Variants in COLEC12 observed in about 807,000 individuals in gnomAD.
COLEC12 encodes collectin-12.
A neutral mutation model predicts 71.1 loss-of-function variants in COLEC12; 33 were observed. The ratio of observed to expected loss-of-function variants is 0.46; its 90% CI spans 0.35 to 0.62. The LOEUF (loss-of-function observed/expected upper bound fraction) is 0.62. COLEC12 is among the 20% of genes least tolerant of loss of function. The pLI, the probability that COLEC12 is intolerant of heterozygous loss-of-function variation, is 0.00. For missense variants in COLEC12, 765 were observed against 916.1 expected (o/e 0.84, Z 2.13); for synonymous variants, 350 against 353.0 (o/e 0.99, Z 0.10).
intron 2 of COLEC12, among the ~76,000 whole-genome samples, chr18:400,308 T>C (rs1257990171): frequency 6.6e-6 from 1 of 152,174 alleles, no homozygotes; most frequent in African/African-American, 2.4e-5. Flanking sequence ...CAGGCTGTCA[T>C]AGTTCAAGCT....
intron 8 of COLEC12, among the ~76,000 whole-genome samples, chr18:326,974 G>A (rs924211038): frequency 3.3e-5 from 5 of 152,118 alleles, no homozygotes; most frequent in Non-Finnish European, 7.3e-5. Flanking sequence ...TCCCAATGAC[G>A]ACTGCTCACT....
chr18:346,346 G>A lies in COLEC12; in HGVS notation c.1276C>T (p.Leu426=), dbSNP rs190046708. 1.2e-6 allele frequency: 2 copies of A among 1,613,978 alleles called. No individual in the cohort carries two copies. The highest frequency in any genetic ancestry group is 2.2e-5 in the East Asian group (1 of 44,890). The part of the protein sequence containing the change: ...NLSVIMEEMK[L]VDSKHGQLIK... The stretch of plus-strand genomic sequence containing the variant: ...AGCTGACCATGCTTGGAGTCTACTA[G>A]CTTCATTTCTTCCATAATCACTGAT... The change falls in exon 5 of 10, where the codon CTA becomes TTA. Residue 426 remains leucine (L), a synonymous_variant. Transcript: ENST00000400256. The surrounding 1 kb of genome is among the most constrained non-coding windows in gnomAD (Gnocchi z 4.0).
intron 3 of COLEC12, among the ~76,000 whole-genome samples, chr18:353,961 A>G (rs1042451648): frequency 6.6e-6 from 1 of 152,248 alleles, no homozygotes; most frequent in Non-Finnish European, 1.5e-5. Flanking sequence ...ACACTGACCC[A>G]GCTTAGCAGC....
rs549640326 is a variant in COLEC12 at position 456,866 on chromosome 18, G to A, written c.58+23841C>T. Among the ~76,000 whole-genome samples, 8 of 152,164 alleles carry A rather than the reference G, an allele frequency of 5.3e-5. No homozygotes were observed. In the South Asian group the frequency reaches 6.2e-4, roughly 12 times the overall value. ...TACCCAGAAAGCAAAAACAAAATCC[G>A]GGTGGTAAGGAAGAGCCAGGCAGGA... On this transcript the variant is annotated intron_variant, in intron 2 of 9. Coordinates refer to ENST00000400256, the MANE Select transcript of COLEC12 (RefSeq NM_130386.3).
intron 5 of COLEC12, among the ~76,000 whole-genome samples, chr18:344,792 A>G (rs1281446396): frequency 6.6e-6 from 1 of 152,188 alleles, no homozygotes; most frequent in East Asian, 1.9e-4. Context: ...TATCTACTTC[A>G]TTTGATTGAC....
At chr18:450,639 G>T (rs748169416) in intron 2 of COLEC12, among the ~76,000 whole-genome samples, 5 of 152,140 alleles carry the variant, frequency 3.3e-5, no homozygotes, top group Non-Finnish European at 7.3e-5. Context: ...TTATAGTAGT[G>T]CAAGAACTAA....
At chr18:340,608 A>T (rs1914229272) in intron 5 of COLEC12, among the ~76,000 whole-genome samples, 1 of 152,222 alleles carries the variant, frequency 6.6e-6, no homozygotes. Flanking sequence ...GCTTAACAAA[A>T]GGAAGAGAAA....
At chr18:418,283 G>A (rs1916028413) in intron 2 of COLEC12, among the ~76,000 whole-genome samples, 1 of 152,112 alleles carries the variant, frequency 6.6e-6, no homozygotes, top group African/African-American at 2.4e-5. Context: ...TAAAATAAAG[G>A]ATCTTTTCTT....
At chr18:341,870 C>T (rs534552913) in intron 5 of COLEC12, among the ~76,000 whole-genome samples, 5 of 152,142 alleles carry the variant, frequency 3.3e-5, no homozygotes, top group Admixed American at 2.0e-4. Context: ...TGATGACTCT[C>T]GGAAGAGCAG....
chr18:323,233 C>CAT (rs377764813), intron 8 of COLEC12, among the ~76,000 whole-genome samples: 93 of 151,552 alleles, frequency 6.1e-4, no homozygotes, highest in Admixed American at 2.4e-3. Context: ...CTCAAAAATA[C>CAT]ATATATATAT....
chr18:452,354 C>T (rs1264287472), intron 2 of COLEC12, among the ~76,000 whole-genome samples: 1 of 152,194 alleles, frequency 6.6e-6, no homozygotes, highest in Non-Finnish European at 1.5e-5. Flanking sequence ...AAATGGGATA[C>T]TTTCTTATAG....
intron 2 of COLEC12, among the ~76,000 whole-genome samples, chr18:390,665 C>T (rs1291119071): frequency 6.6e-6 from 1 of 152,008 alleles, no homozygotes; most frequent in African/African-American, 2.4e-5. Flanking sequence ...GAGGATGAGG[C>T]AGGAGAATTG....
At chr18:430,383 C>T (rs765691314) in intron 2 of COLEC12, among the ~76,000 whole-genome samples, 9 of 151,814 alleles carry the variant, frequency 5.9e-5, no homozygotes, top group Non-Finnish European at 1.3e-4. Context: ...TGGAGAACTG[C>T]ATACTCCATA....
chr18:490,034 A>G (rs1464592585), intron 1 of COLEC12, among the ~76,000 whole-genome samples: 1 of 152,224 alleles, frequency 6.6e-6, no homozygotes, highest in African/African-American at 2.4e-5. Context: ...GGCAGGCCCC[A>G]TGACCTGCTC....
At chr18:446,781 C>T (rs1916662960) in intron 2 of COLEC12, among the ~76,000 whole-genome samples, 1 of 152,058 alleles carries the variant, frequency 6.6e-6, no homozygotes, top group Non-Finnish European at 1.5e-5. Context: ...CTGAGCACCC[C>T]TAAAAACAAA....
chr18:367,988 G>A (rs1914892798), intron 2 of COLEC12, among the ~76,000 whole-genome samples: 1 of 152,148 alleles, frequency 6.6e-6, no homozygotes, highest in African/African-American at 2.4e-5. Context: ...TATTTTCATG[G>A]GGCAGACAGC....
chr18:418,275 A>C (rs2143648731), intron 2 of COLEC12, among the ~76,000 whole-genome samples: 1 of 152,348 alleles, frequency 6.6e-6, no homozygotes, highest in East Asian at 1.9e-4. Flanking sequence ...TATTTGCCTA[A>C]AATAAAGGAT....
Position 317,662 on chromosome 18 carries a change from C to T in COLEC12, c.*2383G>A, listed in dbSNP as rs936434721. 3.9e-5 allele frequency: 6 copies of T among 152,238 alleles called. No individual in the cohort carries two copies. Among genetic ancestry groups the T allele is most frequent in the Non-Finnish European group, 8.8e-5 (6 of 68,044 alleles). The allele number at this position is 152,238 out of a possible 1,614,324, so 9.4% of individuals were successfully genotyped here. A position where few individuals can be genotyped will look rare whatever the true frequency, so the allele number is the denominator to read the frequency against. Reference sequence around the variant, plus strand: ...GATGACGGCATCAGATACTTATTTTCAAGTTTCTTCTGAAGACAAATTTTA... The same window carrying T: ...GATGACGGCATCAGATACTTATTTTTAAGTTTCTTCTGAAGACAAATTTTA... On this transcript the variant is annotated 3_prime_UTR_variant, in exon 10 of 10. Transcript: ENST00000400256.
chr18:358,352 A>G (rs956959076), intron 2 of COLEC12, among the ~76,000 whole-genome samples: 2 of 152,186 alleles, frequency 1.3e-5, no homozygotes, highest in African/African-American at 4.8e-5. Context: ...ATTACATTGT[A>G]ATATATAATG....
Sources: gnomAD v4.1 joint callset for allele counts (sites outside exome capture counted in the v4.1 genomes callset) on GRCh38, gnomAD v4.1.1 for gene constraint, Gnocchi (gnomAD v3.1) non-coding constraint, MANE v1.5 for transcripts, NCBI Gene and HGNC (gene_info 2026-07-23, HGNC 2026-07-21) for gene names.